Variants in SNAP25 observed in about 807,000 individuals in gnomAD.
SNAP25 encodes synaptosome associated protein 25, also known as synaptosomal-associated protein 25.
Under a neutral mutation model 28.7 loss-of-function variants are expected in SNAP25, and 3 were observed. That is an observed-to-expected ratio of 0.10 (90% confidence interval 0.05 to 0.27). SNAP25 has a LOEUF of 0.27. SNAP25 is among the 10% of genes least tolerant of loss of function. SNAP25 has a pLI of 1.00. For synonymous variants in SNAP25, 61 were observed against 88.1 expected (o/e 0.69, Z 1.72); for missense variants, 117 against 278.7 (o/e 0.42, Z 4.13).
intron 4 of SNAP25, among the ~76,000 whole-genome samples, chr20:10,292,183 T>G (rs1227023365): frequency 1.3e-5 from 2 of 152,194 alleles, no homozygotes; most frequent in Non-Finnish European, 2.9e-5. Flanking sequence ...GGCAGAGAAG[T>G]GAAATGCCTT....
chr20:10,275,042 A>G (rs984875713), intron 1 of SNAP25, among the ~76,000 whole-genome samples: 1 of 150,590 alleles, frequency 6.6e-6, no homozygotes. Flanking sequence ...GGTGGACTGT[A>G]TATCTGTTAT....
intron 1 of SNAP25, among the ~76,000 whole-genome samples, chr20:10,238,387 T>C (rs1290515311): frequency 1.3e-5 from 2 of 152,188 alleles, no homozygotes; most frequent in Non-Finnish European, 2.9e-5. Context: ...TAAGATAGCA[T>C]GCAGCAAGGA....
At chr20:10,291,185 T>C (rs2123108969) in intron 4 of SNAP25, among the ~76,000 whole-genome samples, 1 of 152,300 alleles carries the variant, frequency 6.6e-6, no homozygotes, top group Middle Eastern at 3.4e-3. Context: ...GCAATTCTCC[T>C]GCCTCAGCCT....
At chr20:10,268,268 G>C (rs1413629940) in intron 1 of SNAP25, among the ~76,000 whole-genome samples, 2 of 152,116 alleles carry the variant, frequency 1.3e-5, no homozygotes, top group African/African-American at 4.8e-5. Context: ...CCAGAAAACA[G>C]GCAGGGTCTG....
intron 1 of SNAP25, among the ~76,000 whole-genome samples, chr20:10,273,017 C>T (rs2063624679): frequency 6.6e-6 from 1 of 152,078 alleles, no homozygotes; most frequent in African/African-American, 2.4e-5. Flanking sequence ...AAAATTCCAT[C>T]CTTGTTGAGA....
In SNAP25 at chr20:10,267,851, A is replaced by G. The variant is rs116281846; in HGVS notation, c.-63-7578A>G. ...AGGCATAAGCCACCGTGCCCGGCCA[A>G]TAGTCTCCAGTTTTTAATTAAAACA... On this transcript the variant is annotated intron_variant, in intron 1 of 7. Transcript: ENST00000254976. Among the ~76,000 whole-genome samples, 482 of 152,298 alleles carry G rather than the reference A, an allele frequency of 3.2e-3. 1 individual carries two copies. Among genetic ancestry groups the G allele is most frequent in the African/African-American group, 0.011 (462 of 41,576 alleles).
chr20:10,233,031 C>G (rs772010096), intron 1 of SNAP25, among the ~76,000 whole-genome samples: 2 of 152,166 alleles, frequency 1.3e-5, no homozygotes, highest in Non-Finnish European at 2.9e-5. Flanking sequence ...ATTTCATGAC[C>G]AGGCACACTT....
intron 4 of SNAP25, among the ~76,000 whole-genome samples, chr20:10,285,813 G>A (rs2063865892): frequency 6.6e-6 from 1 of 152,118 alleles, no homozygotes; most frequent in Non-Finnish European, 1.5e-5. Flanking sequence ...CGTCATCACA[G>A]ATGTATGAAA....
chr20:10,253,284 T>A (rs2122826195), intron 1 of SNAP25, among the ~76,000 whole-genome samples: 1 of 152,284 alleles, frequency 6.6e-6, no homozygotes, highest in South Asian at 2.1e-4. Flanking sequence ...TTGGACTGAA[T>A]CCTGATGGAA....
At chr20:10,295,489 G>T (rs949665275) in intron 5 of SNAP25, among the ~76,000 whole-genome samples, 2 of 152,124 alleles carry the variant, frequency 1.3e-5, no homozygotes, top group African/African-American at 4.8e-5. Context: ...GCCCTTTGGT[G>T]CAATTAATTT....
intron 1 of SNAP25, among the ~76,000 whole-genome samples, chr20:10,262,468 CAAGT>C (rs954206214): frequency 1.1e-4 from 17 of 152,270 alleles, no homozygotes; most frequent in African/African-American, 4.1e-4. Context: ...TCTTCAAATC[CAAGT>C]AAGTTCAGCC....
At chr20:10,292,002 A>G (rs1427888314) in intron 4 of SNAP25, among the ~76,000 whole-genome samples, 2 of 152,216 alleles carry the variant, frequency 1.3e-5, no homozygotes, top group Non-Finnish European at 2.9e-5. Context: ...ATTCATTTTT[A>G]TGACTATTGA....
chr20:10,302,752 C>G (rs2064270033), intron 7 of SNAP25, among the ~76,000 whole-genome samples: 1 of 150,426 alleles, frequency 6.6e-6, no homozygotes. Flanking sequence ...TCTCCAAATA[C>G]CAGGAAGACA....
rs11547875 is a variant in SNAP25 at position 10,275,454 on chromosome 20, C to T, written c.-38C>T. On this transcript the variant is annotated 5_prime_UTR_variant, in exon 2 of 8. Coordinates refer to ENST00000254976, the MANE Select transcript of SNAP25 (RefSeq NM_130811.4). The stretch of plus-strand genomic sequence containing the variant: ...GTCCAGAGCCAAACCCGTCACTGAC[C>T]CCCCAGCCCAGGCGCCCAGCCACTC... 6.4e-7 allele frequency: 1 copy of T among 1,568,122 alleles called. No individual in the cohort carries two copies. The highest frequency in any genetic ancestry group is 8.7e-7 in the Non-Finnish European group (1 of 1,154,580).
At chr20:10,281,278 G>A (rs554133014) in intron 3 of SNAP25, among the ~76,000 whole-genome samples, 1 of 152,172 alleles carries the variant, frequency 6.6e-6, no homozygotes, top group South Asian at 2.1e-4. Flanking sequence ...TACTATTTAA[G>A]GAATAAGAGA....
intron 1 of SNAP25, among the ~76,000 whole-genome samples, chr20:10,243,808 A>C (rs1289323976): frequency 6.6e-6 from 1 of 152,160 alleles, no homozygotes; most frequent in African/African-American, 2.4e-5. Context: ...CCCTTTCCCT[A>C]TTCTAATCTT....
chr20:10,220,568 A>G (rs1264228916), intron 1 of SNAP25, among the ~76,000 whole-genome samples: 1 of 152,184 alleles, frequency 6.6e-6, no homozygotes, highest in Non-Finnish European at 1.5e-5. Flanking sequence ...GGTAATAACT[A>G]CTTTAACCAT....
intron 4 of SNAP25, among the ~76,000 whole-genome samples, chr20:10,286,035 C>T (rs1003093667): frequency 6.6e-6 from 1 of 152,160 alleles, no homozygotes; most frequent in Non-Finnish European, 1.5e-5. Flanking sequence ...GACCAAGACA[C>T]TCCACTCCTA....
chr20:10,298,194 C>A (rs1600788058), intron 6 of SNAP25, among the ~76,000 whole-genome samples: 1 of 151,314 alleles, frequency 6.6e-6, no homozygotes, highest in Non-Finnish European at 1.5e-5. Context: ...GCACCTGTGG[C>A]CCATTAAAGC....
Sources: allele counts gnomAD v4.1 joint callset (sites outside exome capture counted in the v4.1 genomes callset), GRCh38; gene constraint gnomAD v4.1.1; transcripts MANE v1.5; gene names NCBI Gene and HGNC (gene_info 2026-07-23, HGNC 2026-07-21).